Variants in GRIK3 observed in about 807,000 individuals in gnomAD.
GRIK3 encodes glutamate receptor ionotropic, kainate 3.
A neutral mutation model predicts 102.5 loss-of-function variants in GRIK3; 29 were observed. The ratio of observed to expected loss-of-function variants is 0.28; its 90% CI spans 0.21 to 0.39. The LOEUF (loss-of-function observed/expected upper bound fraction) is 0.39, where lower values mean the gene tolerates loss of function less well. Among genes scored for constraint, GRIK3 ranks in the 10% least tolerant of loss-of-function variants. The probability of loss-of-function intolerance (pLI) is 1.00; values close to 1 mark genes in which losing one functional copy is unlikely to be tolerated. For synonymous variants in GRIK3, 511 were observed against 504.9 expected (o/e 1.01, Z -0.16); for missense variants, 908 against 1,252.4 (o/e 0.73, Z 4.15).
At chr1:36,822,464 G>A (rs139827529) in intron 11 of GRIK3, among the ~76,000 whole-genome samples, 2 of 152,232 alleles carry the variant, frequency 1.3e-5, no homozygotes, top group African/African-American at 2.4e-5. Context: ...ACCCTCCTCG[G>A]CCACAGGAGA....
chr1:37,017,120 G>T (rs142424625), intron 1 of GRIK3, among the ~76,000 whole-genome samples: 1,903 of 151,988 alleles, frequency 0.013, 12 homozygotes, highest in Non-Finnish European at 0.021. Flanking sequence ...GACAGCTGAG[G>T]GGGGAGGATC....
chr1:36,906,179 C>T (rs140046666), intron 1 of GRIK3, among the ~76,000 whole-genome samples: 45 of 152,308 alleles, frequency 3.0e-4, no homozygotes, highest in South Asian at 1.2e-3. Context: ...GCAGGGCAGC[C>T]GAGAAGAACA....
rs1640339364 is a variant in GRIK3 at position 36,833,708 on chromosome 1, A to G, written c.1531-7882T>C. On this transcript the variant is annotated intron_variant, in intron 10 of 15. Transcript: ENST00000373091. The stretch of plus-strand genomic sequence containing the variant: ...GGGCAATGGTAGTGTGTCTTTGATA[A>G]CAGATCTTCCCGTCACACCTGCCAA... Among the ~76,000 whole-genome samples the G allele has an allele frequency of 2.0e-5, 3 of 152,212 alleles. No individual in the cohort carries two copies. The South Asian group carries it at 6.2e-4, about 32-fold the overall frequency.
At chr1:36,856,311 C>T (rs1009400508) in intron 7 of GRIK3, among the ~76,000 whole-genome samples, 9 of 152,208 alleles carry the variant, frequency 5.9e-5, no homozygotes, top group Admixed American at 2.6e-4. Context: ...AGCAGGTGCA[C>T]GGCCTGTCTG....
At chr1:37,021,127 T>TGAGA (rs5773568) in intron 1 of GRIK3, among the ~76,000 whole-genome samples, 42,447 of 145,048 alleles carry the variant, frequency 0.29, 6,492 homozygotes, top group East Asian at 0.52. Flanking sequence ...TGTGTGTCTG[T>TGAGA]GAGAGAGAGA....
At position 36,803,371 on chromosome 1, in the gene GRIK3, T is replaced by G. The variant is rs570605476; in HGVS notation, c.2566-1326A>C. On this transcript the variant is annotated intron_variant, in intron 15 of 15. Coordinates refer to ENST00000373091, the MANE Select transcript of GRIK3 (RefSeq NM_000831.4). Reference sequence around the variant, plus strand: ...GAAGGAAGTGGGCAGAGAAGTGGAGTAGACAGATCCTTTAGGCTTTTTGGT... The same window carrying G: ...GAAGGAAGTGGGCAGAGAAGTGGAGGAGACAGATCCTTTAGGCTTTTTGGT... 7.2e-5 allele frequency among the ~76,000 whole-genome samples: 11 copies of G among 152,046 alleles called. No individual in the cohort carries two copies. The East Asian group carries it at 2.1e-3, about 29-fold the overall frequency.
chr1:36,933,230 C>T (rs957726572), intron 1 of GRIK3, among the ~76,000 whole-genome samples: 4 of 152,144 alleles, frequency 2.6e-5, no homozygotes, highest in Non-Finnish European at 4.4e-5. Context: ...CTGTGCCCCC[C>T]ACCCCTGCCA....
intron 5 of GRIK3, among the ~76,000 whole-genome samples, chr1:36,866,611 A>G (rs1322900835): frequency 6.6e-6 from 1 of 152,230 alleles, no homozygotes; most frequent in Non-Finnish European, 1.5e-5. Flanking sequence ...TAAGCATTTT[A>G]TGACGTCAAT....
At chr1:37,007,465 C>T (rs1052736862) in intron 1 of GRIK3, among the ~76,000 whole-genome samples, 1 of 152,062 alleles carries the variant, frequency 6.6e-6, no homozygotes, top group Non-Finnish European at 1.5e-5. Flanking sequence ...AGGTGGGATC[C>T]GATCTTGATG....
intron 1 of GRIK3, among the ~76,000 whole-genome samples, chr1:36,896,772 T>G (rs1389788626): frequency 1.3e-5 from 2 of 152,164 alleles, no homozygotes; most frequent in African/African-American, 2.4e-5. Context: ...TAAACCTATT[T>G]TAACTATACA....
At chr1:37,021,399 C>A (rs1642713953) in intron 1 of GRIK3, among the ~76,000 whole-genome samples, 1 of 152,142 alleles carries the variant, frequency 6.6e-6, no homozygotes. Context: ...AACAAGATTA[C>A]CTTGCTGGCC....
At chr1:36,953,886 A>G (rs896286680) in intron 1 of GRIK3, among the ~76,000 whole-genome samples, 3 of 152,116 alleles carry the variant, frequency 2.0e-5, no homozygotes, top group Non-Finnish European at 4.4e-5. Flanking sequence ...CCCTCAAATC[A>G]ATGGCTTGAT....
chr1:36,795,844 G>A lies in GRIK3; in HGVS notation c.*6007C>T, dbSNP rs1642358771. On this transcript the variant is annotated 3_prime_UTR_variant, in exon 16 of 16. Transcript: ENST00000373091. ...GGCGTCCAGGCACTCTGGTCTGGGTGGTGGGACAGGTCTAGGGTCTCAGAG... is the reference window on the plus strand; with the variant it reads ...GGCGTCCAGGCACTCTGGTCTGGGTAGTGGGACAGGTCTAGGGTCTCAGAG... 2.0e-5 allele frequency: 3 copies of A among 152,258 alleles called. No homozygotes were observed. The highest frequency in any genetic ancestry group is 1.5e-5 in the Non-Finnish European group (1 of 68,064). 9.4% of individuals were successfully genotyped at this position (152,258 alleles called of 1,614,324 possible).
chr1:36,891,136 G>A (rs1641110739), intron 1 of GRIK3, 40 bp from the exon 2 acceptor site: 6 of 1,505,682 alleles, frequency 4.0e-6, no homozygotes, highest in South Asian at 1.2e-5. Flanking sequence ...TTGGGAGGAG[G>A]GATGGGGCTC....
At chr1:36,907,798 T>C (rs1173368195) in intron 1 of GRIK3, among the ~76,000 whole-genome samples, 1 of 151,962 alleles carries the variant, frequency 6.6e-6, no homozygotes, top group East Asian at 1.9e-4. Context: ...GCAGCAAATA[T>C]TGAGGGGCAC....
chr1:36,839,226 G>C (rs79509969), intron 10 of GRIK3, among the ~76,000 whole-genome samples: 5 of 152,118 alleles, frequency 3.3e-5, no homozygotes, highest in Non-Finnish European at 7.4e-5. Context: ...AGCCTACCCA[G>C]AGCCCCAGAC....
intron 10 of GRIK3, among the ~76,000 whole-genome samples, chr1:36,834,447 A>G (rs1640347650): frequency 6.6e-6 from 1 of 152,142 alleles, no homozygotes. Context: ...AAACAGCACC[A>G]TGAAAAGCCC....
chr1:36,838,232 G>C (rs1027861350), intron 10 of GRIK3, among the ~76,000 whole-genome samples: 3 of 152,190 alleles, frequency 2.0e-5, no homozygotes, highest in African/African-American at 7.2e-5. Flanking sequence ...TTGTAGACAT[G>C]GAAATGGAGG....
At position 36,933,038 on chromosome 1, in the gene GRIK3, C is replaced by T. The variant is rs547588589; in HGVS notation, c.116-41942G>A. Among the ~76,000 whole-genome samples the T allele has an allele frequency of 8.5e-5, 13 of 152,304 alleles. No individual in the cohort carries two copies. In the East Asian group the frequency reaches 2.5e-3, roughly 29 times the overall value. ...GCCCAATATGTAGAACCACGTTTACCATTCATTCTGCAGTCTGTTACATTG... is the reference window on the plus strand; with the variant it reads ...GCCCAATATGTAGAACCACGTTTACTATTCATTCTGCAGTCTGTTACATTG... On this transcript the variant is annotated intron_variant, in intron 1 of 15. Coordinates refer to ENST00000373091, the MANE Select transcript of GRIK3 (RefSeq NM_000831.4).
Sources: gnomAD v4.1 joint callset for allele counts (sites outside exome capture counted in the v4.1 genomes callset) on GRCh38, gnomAD v4.1.1 for gene constraint, MANE v1.5 for transcripts, NCBI Gene and HGNC (gene_info 2026-07-23, HGNC 2026-07-21) for gene names.